PMM1: variants seen among roughly 807,000 people sequenced by gnomAD.
PMM1 encodes the protein phosphomannomutase 1, also known as brain glucose-1,6-bisphosphatase.
PMM1 carries 25 observed loss-of-function variants against 34.0 expected under a neutral mutation model. The ratio of observed to expected loss-of-function variants is 0.73; its 90% CI spans 0.54 to 1.03. The LOEUF is 1.03. PMM1 is among the 50% of genes least tolerant of loss of function. The pLI, the probability that PMM1 is intolerant of heterozygous loss-of-function variation, is 0.00. For missense variants in PMM1, 321 were observed against 350.1 expected, an observed-to-expected ratio of 0.92 and a Z score of 0.66; for synonymous variants, 134 against 143.9, an observed-to-expected ratio of 0.93 and a Z score of 0.49.
At chr22:41,577,954 T>G in intron 6 of PMM1, 31 bp from the exon 7 acceptor site, 2 of 1,514,322 alleles carry the variant, frequency 1.3e-6, no homozygotes, top group Non-Finnish European at 1.8e-6. Context: ...TGTTATTCCC[T>G]GCTGGGAGGG....
In PMM1 at chr22:41,584,612, T is replaced by A. The variant is rs1247898300; in HGVS notation, c.206-9A>T. The A allele has an allele frequency of 6.2e-7, 1 of 1,609,264 alleles. No homozygotes were observed. Reference sequence around the variant, plus strand: ...ATCAAACTTCTCAATGACTTCAGGGTCACATAGAGGACAGGAGGAAGAAAG... The same window carrying A: ...ATCAAACTTCTCAATGACTTCAGGGACACATAGAGGACAGGAGGAAGAAAG... On this transcript the variant is annotated splice_polypyrimidine_tract_variant and intron_variant, in intron 2 of 7. Transcript: ENST00000216259.
chr22:41,576,913 C>T lies in PMM1; in HGVS notation c.*405G>A. 1 of 312,494 alleles carries T rather than the reference C, an allele frequency of 3.2e-6. No individual in the cohort carries two copies. The highest frequency in any genetic ancestry group is 2.8e-5 in the South Asian group (1 of 35,636). The allele number at this position is 312,494 out of a possible 1,614,324, so 19.4% of individuals were successfully genotyped here. On this transcript the variant is annotated 3_prime_UTR_variant, in exon 8 of 8. Transcript: ENST00000216259. The stretch of plus-strand genomic sequence containing the variant: ...GCTGACACCTACTTTGTTCTGGGAA[C>T]TTTAATACTGTGACAAAGTTCTCTA...
At chr22:41,585,323 G>A (rs1457054273) in intron 2 of PMM1, 3 of 152,134 alleles carry the variant, frequency 2.0e-5, no homozygotes, top group Non-Finnish European at 2.9e-5. Context: ...AGGTCCAGTC[G>A]ATTTCCTGGA....
intron 5 of PMM1, among the ~76,000 whole-genome samples, chr22:41,581,841 A>G (rs1293963491): frequency 6.6e-6 from 1 of 152,158 alleles, no homozygotes; most frequent in South Asian, 2.1e-4. Flanking sequence ...ACAAAAAATT[A>G]GCTGGGCATT....
chr22:41,577,927 T>C lies in PMM1; in HGVS notation c.551-4A>G, dbSNP rs752626114. ...ACGTCAAAGCTGATCATGCCTCCTG[T>C]GGGCAGGGGTGGGGACTGTTATTCC... On this transcript the variant is annotated splice_polypyrimidine_tract_variant and splice_region_variant and intron_variant, in intron 6 of 7. Coordinates refer to ENST00000216259, the MANE Select transcript of PMM1 (RefSeq NM_002676.3). 1.1e-4 allele frequency: 174 copies of C among 1,602,184 alleles called. No individual in the cohort carries two copies. Among genetic ancestry groups the C allele is most frequent in the Non-Finnish European group, 1.4e-4 (162 of 1,170,112 alleles).
chr22:41,577,603 G>A, intron 7 of PMM1, 163 bp from the exon 8 acceptor site: 2 of 914,438 alleles, frequency 2.2e-6, no homozygotes, highest in South Asian at 1.6e-5. Flanking sequence ...TGTAGAACAA[G>A]TGCCCAGCCT....
chr22:41,582,290 C>T (rs1184239888), intron 5 of PMM1, among the ~76,000 whole-genome samples: 2 of 152,052 alleles, frequency 1.3e-5, no homozygotes, highest in Non-Finnish European at 2.9e-5. Context: ...AGATCCCATC[C>T]CTACAAAATA....
chr22:41,588,629 A>G, intron 1 of PMM1: 1 of 984,870 alleles, frequency 1.0e-6, no homozygotes, highest in Non-Finnish European at 1.2e-6. Flanking sequence ...TGCTGGGATT[A>G]CAGGCGTGAC....
At chr22:41,588,420 G>T (rs12159399) in intron 1 of PMM1, among the ~76,000 whole-genome samples, 1 of 152,174 alleles carries the variant, frequency 6.6e-6, no homozygotes, top group Non-Finnish European at 1.5e-5. Context: ...AGGGTTTCAC[G>T]ATATTGGTCA....
chr22:41,588,713 C>CA, intron 1 of PMM1: 1 of 985,462 alleles, frequency 1.0e-6, no homozygotes, highest in Non-Finnish European at 1.2e-6. Flanking sequence ...GGAAGGCCTC[C>CA]AGGGCCCAAG....
chr22:41,578,732 G>A, intron 6 of PMM1, 74 bp downstream of exon 6: 1 of 1,296,080 alleles, frequency 7.7e-7, no homozygotes. Flanking sequence ...CCACAGCCTG[G>A]TCTTGGCAGG....
intron 2 of PMM1, 80 bp downstream of exon 2, chr22:41,585,996 C>G: frequency 9.4e-7 from 1 of 1,062,114 alleles, no homozygotes; most frequent in Non-Finnish European, 1.4e-6. Context: ...TTCTGCCCCA[C>G]AGAAGCAGGA....
chr22:41,586,007 C>T, intron 2 of PMM1, 69 bp downstream of exon 2: 1 of 1,171,552 alleles, frequency 8.5e-7, no homozygotes, highest in African/African-American at 1.5e-5. Flanking sequence ...AGAAGCAGGA[C>T]TGGATCTTTG....
Position 41,586,057 on chromosome 22 carries a change from C to T in PMM1, c.205+19G>A, listed in dbSNP as rs1362060087. On this transcript the variant is annotated intron_variant, in intron 2 of 7. Coordinates refer to ENST00000216259, the MANE Select transcript of PMM1 (RefSeq NM_002676.3). ...TCTCTCAAACTCCCCACTCCCTCTA[C>T]CCCCAGCCTCACTCCTACCTTCATC... is the stretch of plus-strand genomic sequence containing the variant. 1 of 1,575,130 alleles carries T rather than the reference C, an allele frequency of 6.3e-7. No homozygotes were observed. The highest frequency in any genetic ancestry group is 8.7e-7 in the Non-Finnish European group (1 of 1,154,522).
At chr22:41,577,619 G>A in intron 7 of PMM1, 179 bp from the exon 8 acceptor site, 1 of 847,038 alleles carries the variant, frequency 1.2e-6, no homozygotes, top group Admixed American at 2.3e-5. Flanking sequence ...AGCCTCTTGG[G>A]GCCCCAGCTT....
chr22:41,582,455 C>A (rs535365600), intron 5 of PMM1, among the ~76,000 whole-genome samples: 2 of 152,262 alleles, frequency 1.3e-5, no homozygotes, highest in East Asian at 1.9e-4. Context: ...CAGAGTAAGA[C>A]CCTGTCTCAA....
Position 41,589,740 on chromosome 22 carries a change from C to A in PMM1, c.66G>T (p.Gly22=). 1 of 1,611,960 alleles carries A rather than the reference C, an allele frequency of 6.2e-7. No homozygotes were observed. The highest frequency in any genetic ancestry group is 8.5e-7 in the Non-Finnish European group (1 of 1,179,546). ...ERVLCLFDVD[G]TLTPARQKID... ...CTACCTGGCGAGCCGGCGTGAGGGT[C>A]CCGTCCACGTCAAACAGGCAGAGGA... Residue 22 remains glycine (G), a synonymous_variant, in exon 1 of 8, where the codon GGG becomes GGT. Transcript: ENST00000216259.
chr22:41,588,396 T>C (rs1161231588), intron 1 of PMM1, among the ~76,000 whole-genome samples: 1 of 152,234 alleles, frequency 6.6e-6, no homozygotes, highest in Non-Finnish European at 1.5e-5. Context: ...ATTTTTTGTA[T>C]TTTTAGTAGA....
Position 41,588,806 on chromosome 22 carries a change from C to T in PMM1, c.87+913G>A, listed in dbSNP as rs1053723564. The T allele has an allele frequency of 7.1e-6, 7 of 985,370 alleles. No homozygotes were observed. In the African/African-American group the frequency reaches 1.2e-4, roughly 17 times the overall value. The allele number at this position is 985,370 out of a possible 1,614,324, so 61.0% of individuals were successfully genotyped here. A position where few individuals can be genotyped will look rare whatever the true frequency, so the allele number is the denominator to read the frequency against. ...CTAAGACCTGGGTTCCCATCAGCCA[C>T]TGCCCAGTAAAGCCCATCCCACTGC... is the stretch of plus-strand genomic sequence containing the variant. On this transcript the variant is annotated intron_variant, in intron 1 of 7. Transcript: ENST00000216259.
Sources: gnomAD v4.1 joint callset for allele counts (sites outside exome capture counted in the v4.1 genomes callset) on GRCh38, gnomAD v4.1.1 for gene constraint, MANE v1.5 for transcripts, NCBI Gene and HGNC (gene_info 2026-07-23, HGNC 2026-07-21) for gene names.